The following POT1 variants were observed in gnomAD, a reference collection of about 807,000 sequenced individuals.
POT1 encodes protection of telomeres 1, also known as protection of telomeres protein 1.
POT1 carries 47 observed loss-of-function variants against 78.5 expected under a neutral mutation model. The observed-to-expected ratio is 0.60, with a 90% confidence interval of 0.47 to 0.76. POT1 has a LOEUF of 0.76. Ranked by LOEUF, POT1 falls within the 30% of genes least tolerant of loss-of-function variation. POT1 has a pLI of 0.00. For missense variants in POT1, 646 were observed against 749.9 expected (o/e 0.86, Z 1.62); for synonymous variants, 259 against 260.7 (o/e 0.99, Z 0.06).
chr7:124,841,661 T>C (rs1276111843), intron 13 of POT1, among the ~76,000 whole-genome samples: 1 of 152,018 alleles, frequency 6.6e-6, no homozygotes, highest in African/African-American at 2.4e-5. Flanking sequence ...TTAGGTACCA[T>C]GTAGCAGAAA....
intron 6 of POT1, among the ~76,000 whole-genome samples, chr7:124,891,343 G>GT (rs1332993832): frequency 6.6e-6 from 1 of 151,410 alleles, no homozygotes; most frequent in Non-Finnish European, 1.5e-5. Context: ...TCCTCTTTTG[G>GT]TTACCATTGG....
At chr7:124,877,266 T>A (rs1382600940) in intron 6 of POT1, among the ~76,000 whole-genome samples, 1 of 152,166 alleles carries the variant, frequency 6.6e-6, no homozygotes, top group African/African-American at 2.4e-5. Context: ...TTTCGATACT[T>A]CAACTTTATA....
chr7:124,891,473 C>T (rs537004698), intron 6 of POT1, among the ~76,000 whole-genome samples: 226 of 151,516 alleles, frequency 1.5e-3, no homozygotes, highest in Non-Finnish European at 2.3e-3. Flanking sequence ...CACTCAGCTA[C>T]TCTATGATTT....
intron 12 of POT1, 39 bp downstream of exon 12, chr7:124,846,903 C>T (rs780848329): frequency 7.1e-7 from 1 of 1,404,014 alleles, no homozygotes; most frequent in Non-Finnish European, 1.0e-6. Flanking sequence ...TTATTATGCT[C>T]ATTACTGTGC....
intron 6 of POT1, among the ~76,000 whole-genome samples, chr7:124,883,508 T>A (rs1445304532): frequency 1.3e-5 from 2 of 152,048 alleles, no homozygotes; most frequent in African/African-American, 4.8e-5. Flanking sequence ...AACAAACAAA[T>A]GAGTGAACCG....
chr7:124,861,423 A>G (rs1167892063), intron 8 of POT1, among the ~76,000 whole-genome samples: 1 of 152,190 alleles, frequency 6.6e-6, no homozygotes, highest in Non-Finnish European at 1.5e-5. Context: ...GTGTCTGTTC[A>G]TATCCTTTGC....
chr7:124,919,424 G>A (rs1050893599), intron 2 of POT1, among the ~76,000 whole-genome samples: 16 of 152,096 alleles, frequency 1.1e-4, no homozygotes, highest in Admixed American at 1.0e-3. Context: ...GGACTTAATT[G>A]TGTTCTCCCA....
chr7:124,921,597 T>C (rs531667161), intron 2 of POT1, among the ~76,000 whole-genome samples: 3 of 152,214 alleles, frequency 2.0e-5, no homozygotes, highest in Non-Finnish European at 2.9e-5. Flanking sequence ...ATGCATTTTG[T>C]CCCTCACCCC....
chr7:124,852,344 G>A (rs1795331499), intron 10 of POT1, among the ~76,000 whole-genome samples: 1 of 152,094 alleles, frequency 6.6e-6, no homozygotes, highest in Non-Finnish European at 1.5e-5. Context: ...TTAAAATGTA[G>A]ACAAAAGTTA....
At position 124,883,838 on chromosome 7, in the gene POT1, ATAAT is replaced by A. The variant is rs1584786344; in HGVS notation, c.124+8424_124+8427del. On this transcript the variant is annotated intron_variant, in intron 6 of 18. Coordinates refer to ENST00000357628, the MANE Select transcript of POT1 (RefSeq NM_015450.3). ...TAAAAAAAATTGAAAAATAGATTAA[ATAAT>A]TATTACATATAATTTTACATCATAC... 2.0e-5 allele frequency among the ~76,000 whole-genome samples: 3 copies of A among 152,062 alleles called. 1 individual carries two copies. The highest frequency in any genetic ancestry group is 2.4e-5 in the African/African-American group (1 of 41,522).
intron 16 of POT1, 55 bp downstream of exon 16, chr7:124,829,199 G>T: frequency 8.2e-7 from 1 of 1,221,102 alleles, no homozygotes; most frequent in Non-Finnish European, 1.2e-6. Context: ...ATAAGTAGGT[G>T]AAATAACCTT....
chr7:124,921,998 A>C (rs1797162356), intron 2 of POT1, among the ~76,000 whole-genome samples: 1 of 152,088 alleles, frequency 6.6e-6, no homozygotes. Context: ...AGCACATGCC[A>C]GTCCAACTGC....
At chr7:124,919,365 G>C (rs1007891504) in intron 2 of POT1, among the ~76,000 whole-genome samples, 2 of 151,992 alleles carry the variant, frequency 1.3e-5, no homozygotes, top group African/African-American at 4.8e-5. Flanking sequence ...TTGCTTTTAG[G>C]ACAAAAATGA....
chr7:124,831,264 T>C (rs1794751912), intron 15 of POT1, among the ~76,000 whole-genome samples: 1 of 152,180 alleles, frequency 6.6e-6, no homozygotes, highest in African/African-American at 2.4e-5. Context: ...GAAGAACAAT[T>C]TGGTATTTCT....
intron 6 of POT1, 63 bp downstream of exon 6, chr7:124,892,203 A>G: frequency 9.9e-7 from 1 of 1,006,842 alleles, no homozygotes; most frequent in Non-Finnish European, 1.5e-6. Flanking sequence ...TACAGATGGA[A>G]CCGTGTTCCT....
At chr7:124,928,515 T>A (rs1249272706) in intron 2 of POT1, among the ~76,000 whole-genome samples, 4 of 152,182 alleles carry the variant, frequency 2.6e-5, no homozygotes, top group Non-Finnish European at 5.9e-5. Flanking sequence ...ACCTATTAAT[T>A]TTAATTGGAG....
intron 16 of POT1, chr7:124,828,796 T>G: frequency 2.3e-6 from 1 of 435,120 alleles, no homozygotes; most frequent in Non-Finnish European, 4.6e-6. Context: ...AAATAAAACA[T>G]GAGATGGCTG....
At chr7:124,893,107 T>G (rs965290012) in intron 5 of POT1, among the ~76,000 whole-genome samples, 2 of 151,458 alleles carry the variant, frequency 1.3e-5, no homozygotes, top group Non-Finnish European at 3.0e-5. Context: ...TTTAAGTTAG[T>G]ATATCCCTAG....
intron 14 of POT1, among the ~76,000 whole-genome samples, chr7:124,838,052 T>C (rs1794938163): frequency 6.6e-6 from 1 of 152,172 alleles, no homozygotes; most frequent in African/African-American, 2.4e-5. Flanking sequence ...GGGAACTTCT[T>C]CAACTTGATA....
Sources: allele counts gnomAD v4.1 joint callset (sites outside exome capture counted in the v4.1 genomes callset), GRCh38; gene constraint gnomAD v4.1.1; transcripts MANE v1.5; gene names NCBI Gene and HGNC (gene_info 2026-07-23, HGNC 2026-07-21).